CIT: variants seen among roughly 807,000 people sequenced by gnomAD.
CIT encodes citron Rho-interacting kinase.
Under a neutral mutation model 272.7 loss-of-function variants are expected in CIT, and 79 were observed. The observed-to-expected ratio is 0.29, with a 90% CI of 0.24 to 0.35. The LOEUF (loss-of-function observed/expected upper bound fraction) is 0.35. Ranked by LOEUF, CIT falls within the 10% of genes least tolerant of loss-of-function variation. The pLI is 1.00. For synonymous variants in CIT, 948 were observed against 995.6 expected, an observed-to-expected ratio of 0.95 and a Z score of 0.90; for missense variants, 1,909 against 2,618.3, an observed-to-expected ratio of 0.73 and a Z score of 5.91.
At chr12:119,774,283 G>A (rs1273459574) in intron 16 of CIT, among the ~76,000 whole-genome samples, 1 of 151,554 alleles carries the variant, frequency 6.6e-6, no homozygotes, top group Non-Finnish European at 1.5e-5. Context: ...TTAATGTTAT[G>A]TGGTTTTTTT....
At chr12:119,851,823 G>T (rs1177973198) in intron 4 of CIT, among the ~76,000 whole-genome samples, 1 of 152,176 alleles carries the variant, frequency 6.6e-6, no homozygotes, top group African/African-American at 2.4e-5. Flanking sequence ...GACTGCTTGA[G>T]GCCAGGAGTT....
intron 5 of CIT, among the ~76,000 whole-genome samples, chr12:119,846,128 C>A (rs1034537214): frequency 1.3e-5 from 2 of 152,206 alleles, no homozygotes; most frequent in African/African-American, 4.8e-5. Flanking sequence ...AAACAATGCA[C>A]TCCCATCAAC....
chr12:119,743,074 A>C (rs561808940), intron 23 of CIT, among the ~76,000 whole-genome samples: 2 of 152,322 alleles, frequency 1.3e-5, no homozygotes, highest in South Asian at 4.1e-4. Context: ...TCAGTTGACA[A>C]GGACTTTTTT....
chr12:119,756,690 C>T (rs1006645231), intron 22 of CIT, among the ~76,000 whole-genome samples: 1 of 152,234 alleles, frequency 6.6e-6, no homozygotes, highest in African/African-American at 2.4e-5. Flanking sequence ...CCTTTTGGTT[C>T]AGCTTTAGGA....
chr12:119,862,114 A>C (rs79313118), intron 3 of CIT, among the ~76,000 whole-genome samples: 7,263 of 152,056 alleles, frequency 0.048, 321 homozygotes, highest in African/African-American at 0.12. Flanking sequence ...AATTCTCATG[A>C]CTTGGTCTCC....
chr12:119,721,009 C>T (rs1039540528), intron 29 of CIT, among the ~76,000 whole-genome samples: 1 of 152,128 alleles, frequency 6.6e-6, no homozygotes, highest in African/African-American at 2.4e-5. Flanking sequence ...CTCTGTTGCC[C>T]GGGCTGGAGT....
At chr12:119,831,962 C>T (rs528800890) in intron 7 of CIT, among the ~76,000 whole-genome samples, 1 of 152,204 alleles carries the variant, frequency 6.6e-6, no homozygotes, top group Non-Finnish European at 1.5e-5. Flanking sequence ...TGAAGAGCAG[C>T]TTCTCTAACC....
chr12:119,863,157 G>A (rs187627023), intron 3 of CIT, among the ~76,000 whole-genome samples: 24 of 128,554 alleles, frequency 1.9e-4, no homozygotes, highest in Middle Eastern at 0.011. Context: ...AGCCAAGATC[G>A]CACCACTGCA....
chr12:119,718,351 C>T lies in CIT; in HGVS notation c.4062G>A (p.Gln1354=). The T allele has an allele frequency of 6.2e-7, 1 of 1,614,066 alleles. No homozygotes were observed. Among genetic ancestry groups the T allele is most frequent in the South Asian group, 1.1e-5 (1 of 91,064 alleles). ...PHPSTPATAR[Q]QIAMSAIVRS... is the part of the protein sequence containing the mutation. ...GCACGATGGCGGACATGGCGATCTG[C>T]TGCCTCGCGGTGGCTGGCGTGGATG... Residue 1354 remains glutamine (Q), a synonymous_variant, in exon 32 of 48, where the codon CAG becomes CAA. Coordinates refer to ENST00000392521, the MANE Select transcript of CIT (RefSeq NM_001206999.2). This position sits in a 1 kb window ranked among gnomAD's most constrained non-coding sequence, Gnocchi z 4.8.
chr12:119,803,077 A>G lies in CIT; in HGVS notation c.1295+129T>C, dbSNP rs1320004727. The G allele has an allele frequency of 6.1e-6, 4 of 657,620 alleles. No individual in the cohort carries two copies. In the East Asian group the frequency reaches 1.0e-4, roughly 17 times the overall value. 40.7% of individuals were successfully genotyped at this position (657,620 alleles called of 1,614,324 possible). On this transcript the variant is annotated intron_variant, in intron 10 of 47. Coordinates refer to ENST00000392521, the MANE Select transcript of CIT (RefSeq NM_001206999.2). ...CCCTAACAGGTAGACTGCTTTCCCA[A>G]TGCAGGTGACTAGCAGCTTCCCTCC... is the stretch of plus-strand genomic sequence containing the variant.
chr12:119,862,282 A>G (rs1165035487), intron 3 of CIT, among the ~76,000 whole-genome samples: 1 of 152,118 alleles, frequency 6.6e-6, no homozygotes, highest in Admixed American at 6.6e-5. Flanking sequence ...GGCGTGAGCC[A>G]CTACACCTGG....
chr12:119,838,045 C>T (rs747855697), intron 5 of CIT, among the ~76,000 whole-genome samples: 3 of 152,088 alleles, frequency 2.0e-5, no homozygotes, highest in Non-Finnish European at 2.9e-5. Context: ...ATAAAGCTGA[C>T]GTTCCGGTAT....
intron 17 of CIT, among the ~76,000 whole-genome samples, chr12:119,771,645 C>T (rs1466813182): frequency 6.6e-6 from 1 of 152,042 alleles, no homozygotes; most frequent in East Asian, 1.9e-4. Context: ...GAAATCTGGT[C>T]CTTGAGGTCC....
rs1177899201 is a variant in CIT at position 119,735,316 on chromosome 12, C to T, written c.3000G>A (p.Glu1000=). The change falls in exon 25 of 48, where the codon GAG becomes GAA. Residue 1000 remains glutamate (E), a synonymous_variant. Coordinates refer to ENST00000392521, the MANE Select transcript of CIT (RefSeq NM_001206999.2). ...TTTGGTTGTTGAGTTCAGCGTTGTC[C>T]TCGGTCAGCTGGTTTAGCTGCTCCT... ...DLEEQLNQLT[E]DNAELNNQNF... is the part of the protein sequence containing the mutation. 6.2e-7 allele frequency: 1 copy of T among 1,614,064 alleles called. No individual in the cohort carries two copies.
intron 29 of CIT, 82 bp from the exon 30 acceptor site, chr12:119,720,667 G>T: frequency 1.0e-6 from 1 of 968,582 alleles, no homozygotes; most frequent in Non-Finnish European, 1.5e-6. Flanking sequence ...ACTAAAAAGT[G>T]AAGTTGTTAG....
At chr12:119,782,981 A>G (rs1196246874) in intron 12 of CIT, 1 of 175,084 alleles carries the variant, frequency 5.7e-6, no homozygotes, top group Non-Finnish European at 1.2e-5. Flanking sequence ...GGATAGCTAC[A>G]AAGTGTTTTC....
At chr12:119,812,556 C>T (rs1259558653) in intron 9 of CIT, among the ~76,000 whole-genome samples, 2 of 151,902 alleles carry the variant, frequency 1.3e-5, no homozygotes, top group African/African-American at 2.4e-5. Context: ...CCTCCCACCT[C>T]AGCCTCCCAA....
At chr12:119,820,884 T>G (rs1410426128) in intron 9 of CIT, among the ~76,000 whole-genome samples, 1 of 152,028 alleles carries the variant, frequency 6.6e-6, no homozygotes, top group East Asian at 1.9e-4. Context: ...GTGGGAGGAC[T>G]GCTTGAGCAT....
intron 47 of CIT, among the ~76,000 whole-genome samples, 175 bp downstream of exon 47, chr12:119,689,976 G>A (rs972188483): frequency 1.1e-4 from 16 of 152,166 alleles, no homozygotes; most frequent in Non-Finnish European, 5.9e-5. Flanking sequence ...ACCACGCCCG[G>A]CCAGGAAGCT....
Sources: gnomAD v4.1 joint callset for allele counts (sites outside exome capture counted in the v4.1 genomes callset) on GRCh38, gnomAD v4.1.1 for gene constraint, Gnocchi (gnomAD v3.1) non-coding constraint, MANE v1.5 for transcripts, NCBI Gene and HGNC (gene_info 2026-07-23, HGNC 2026-07-21) for gene names.